The following NDC1 variants were observed in gnomAD, a reference collection of about 807,000 sequenced individuals.
NDC1 encodes the protein NDC1 transmembrane nucleoporin, also known as nucleoporin NDC1.
NDC1 carries 24 observed loss-of-function variants against 89.8 expected under a neutral mutation model. The ratio of observed to expected loss-of-function variants is 0.27; its 90% CI spans 0.19 to 0.38. The LOEUF is 0.38. Ranked by LOEUF, NDC1 falls within the 10% of genes least tolerant of loss-of-function variation. The pLI is 1.00. For synonymous variants in NDC1, 296 were observed against 284.8 expected (o/e 1.04, Z -0.39); for missense variants, 728 against 797.6 (o/e 0.91, Z 1.05).
intron 16 of NDC1, among the ~76,000 whole-genome samples, chr1:53,783,619 C>CA (rs1461620961): frequency 1.3e-5 from 2 of 152,188 alleles, no homozygotes; most frequent in African/African-American, 4.8e-5. Context: ...ATCCCCAATG[C>CA]AGCAGTGTTG....
chr1:53,773,729 C>CCTGACTACAGG (rs71063881), intron 16 of NDC1, among the ~76,000 whole-genome samples: 4,388 of 152,254 alleles, frequency 0.029, 96 homozygotes, highest in Middle Eastern at 0.044. Context: ...CTTCTAGTAT[C>CCTGACTACAGG]CTGACTACAG....
At chr1:53,784,720 G>A (rs1647263774) in intron 16 of NDC1, among the ~76,000 whole-genome samples, 1 of 152,030 alleles carries the variant, frequency 6.6e-6, no homozygotes, top group Admixed American at 6.6e-5. Context: ...GAACCCGGGA[G>A]GCACAGCTTG....
chr1:53,789,072 T>C (rs1002469906), intron 15 of NDC1, 61 bp downstream of exon 15: 3 of 1,111,070 alleles, frequency 2.7e-6, no homozygotes, highest in African/African-American at 3.1e-5. Context: ...CTTTCATGAA[T>C]TATACTTCAA....
intron 16 of NDC1, among the ~76,000 whole-genome samples, chr1:53,774,401 G>C (rs1053739095): frequency 6.6e-6 from 1 of 152,154 alleles, no homozygotes; most frequent in Non-Finnish European, 1.5e-5. Flanking sequence ...ATCAAATCTT[G>C]TTCCATCATA....
rs1649197358 is a variant in NDC1 at position 53,835,441 on chromosome 1, C to CT, written c.178+58_178+59insA. 2.1e-6 allele frequency: 3 copies of CT among 1,455,128 alleles called. No individual in the cohort carries two copies. The African/African-American group carries it at 4.3e-5, about 21-fold the overall frequency. 90.1% of individuals were successfully genotyped at this position (1,455,128 alleles called of 1,614,324 possible). A position where few individuals can be genotyped will look rare whatever the true frequency, so the allele number is the denominator to read the frequency against. On this transcript the variant is annotated intron_variant, in intron 2 of 17. Transcript: ENST00000371429. ...AAAATAAACTGCTTGAAACATAATG[C>CT]AATTTTTATGTTGAGAAGTAGGTCC... is the stretch of plus-strand genomic sequence containing the variant.
intron 16 of NDC1, among the ~76,000 whole-genome samples, chr1:53,777,033 T>A (rs907995258): frequency 2.7e-5 from 4 of 148,754 alleles, no homozygotes; most frequent in African/African-American, 9.8e-5. Context: ...TTTGTTGAAT[T>A]TTTTTTTTTT....
At chr1:53,782,814 C>T (rs1647224937) in intron 16 of NDC1, among the ~76,000 whole-genome samples, 1 of 152,176 alleles carries the variant, frequency 6.6e-6, no homozygotes, top group African/African-American at 2.4e-5. Flanking sequence ...TATCCCAATA[C>T]GATTGTTATA....
chr1:53,773,611 C>T (rs537576868), intron 16 of NDC1, among the ~76,000 whole-genome samples: 162 of 152,288 alleles, frequency 1.1e-3, no homozygotes, highest in African/African-American at 3.8e-3. Flanking sequence ...GGATTACAGA[C>T]GAGCGGCTTC....
Position 53,825,906 on chromosome 1 carries a change from T to C in NDC1, c.486A>G (p.Leu162=). Residue 162 remains leucine, a synonymous_variant, in exon 5 of 18, where the codon TTA becomes TTG. Coordinates refer to ENST00000371429, the MANE Select transcript of NDC1 (RefSeq NM_018087.5). ...SFGSPAAQTC[L]NEYHLFFLLT... is the part of the protein sequence containing the mutation. Reference sequence around the variant, plus strand: ...GTAGGAAAAAAAGATGATATTCATTTAAGCAGGTTTGCGCAGCAGGGCTAC... The same window carrying C: ...GTAGGAAAAAAAGATGATATTCATTCAAGCAGGTTTGCGCAGCAGGGCTAC... The C allele has an allele frequency of 6.2e-7, 1 of 1,611,968 alleles. No homozygotes were observed. The highest frequency in any genetic ancestry group is 1.1e-5 in the South Asian group (1 of 90,294).
chr1:53,788,971 C>G (rs1277247176), intron 15 of NDC1, among the ~76,000 whole-genome samples, 162 bp downstream of exon 15: 1 of 151,430 alleles, frequency 6.6e-6, no homozygotes, highest in Non-Finnish European at 1.5e-5. Flanking sequence ...CAAAATACGC[C>G]TAAATATATT....
chr1:53,800,552 C>G, intron 11 of NDC1, 141 bp downstream of exon 11: 1 of 776,604 alleles, frequency 1.3e-6, no homozygotes, highest in Non-Finnish European at 2.1e-6. Flanking sequence ...GTCTCGATCT[C>G]TTGACCTCAT....
At chr1:53,778,260 T>TACACACACAC (rs202023880) in intron 16 of NDC1, among the ~76,000 whole-genome samples, 2 of 144,784 alleles carry the variant, frequency 1.4e-5, no homozygotes, top group East Asian at 2.1e-4. Context: ...TGTGTGTATA[T>TACACACACAC]ACACACACAC....
rs777960171 is a variant in NDC1 at position 53,806,524 on chromosome 1, A to G, written c.892-7T>C. 36 of 1,458,612 alleles carry G rather than the reference A, an allele frequency of 2.5e-5. No individual in the cohort carries two copies. The highest frequency in any genetic ancestry group is 3.1e-5 in the Non-Finnish European group (34 of 1,103,824). The allele number at this position is 1,458,612 out of a possible 1,614,324, so 90.4% of individuals were successfully genotyped here. A position where few individuals can be genotyped will look rare whatever the true frequency, so the allele number is the denominator to read the frequency against. On this transcript the variant is annotated splice_polypyrimidine_tract_variant and splice_region_variant and intron_variant, in intron 8 of 17. Transcript: ENST00000371429. ...GAACAGGAAACACATGAGCCTATCA[A>G]ATAAATTAAAAACCAAAAATGATTA...
intron 16 of NDC1, among the ~76,000 whole-genome samples, chr1:53,782,983 C>G (rs896560618): frequency 6.6e-6 from 1 of 151,744 alleles, no homozygotes; most frequent in South Asian, 2.1e-4. Context: ...TTTTTCTAAT[C>G]CTAAGCACTT....
At chr1:53,771,920 G>A (rs1289619856) in intron 17 of NDC1, among the ~76,000 whole-genome samples, 1 of 152,174 alleles carries the variant, frequency 6.6e-6, no homozygotes, top group Non-Finnish European at 1.5e-5. Context: ...CAAAGCACCA[G>A]GGATTCATTT....
Position 53,800,750 on chromosome 1 carries a change from T to C in NDC1, c.1165A>G (p.Thr389Ala), listed in dbSNP as rs780332596. Reference sequence around the variant, plus strand: ...TAAGATGAAGACACTCTCCCATTCGTAGCAGCAGCTTCTTGATAGAGAATC... The same window carrying C: ...TAAGATGAAGACACTCTCCCATTCGCAGCAGCAGCTTCTTGATAGAGAATC... The part of the protein sequence containing the change: ...KLILYQEAAA[T>A]NGRVSSSYPV... The change falls in exon 11 of 18, where the codon ACG becomes GCG. Residue 389 changes from threonine (T) to alanine (A), a missense_variant. By Grantham distance (58) the Thr-to-Ala change is moderately conservative (BLOSUM62 0). Coordinates refer to ENST00000371429, the MANE Select transcript of NDC1 (RefSeq NM_018087.5). 1.9e-6 allele frequency: 3 copies of C among 1,614,146 alleles called. No individual in the cohort carries two copies. Among genetic ancestry groups the C allele is most frequent in the Non-Finnish European group, 2.5e-6 (3 of 1,179,982 alleles).
At chr1:53,810,225 T>C (rs932512881) in intron 6 of NDC1, among the ~76,000 whole-genome samples, 6 of 152,136 alleles carry the variant, frequency 3.9e-5, no homozygotes, top group Admixed American at 2.6e-4. Context: ...TTTCCCACAA[T>C]AAATCCAAAT....
Position 53,827,069 on chromosome 1 carries a change from T to C in NDC1, c.455+930A>G, listed in dbSNP as rs549343998. Among the ~76,000 whole-genome samples the C allele has an allele frequency of 3.4e-4, 52 of 152,196 alleles. No homozygotes were observed. The South Asian group carries it at 7.3e-3, about 21-fold the overall frequency. On this transcript the variant is annotated intron_variant, in intron 4 of 17. Transcript: ENST00000371429. Reference sequence around the variant, plus strand: ...TTTCATAGTAGTCCTGTACTCACAGTCTTTTATCATTTAATGTTTACCAAC... The same window carrying C: ...TTTCATAGTAGTCCTGTACTCACAGCCTTTTATCATTTAATGTTTACCAAC...
intron 3 of NDC1, among the ~76,000 whole-genome samples, chr1:53,831,529 C>T (rs1570241024): frequency 6.6e-6 from 1 of 151,828 alleles, no homozygotes; most frequent in South Asian, 2.1e-4. Context: ...AAAAATTAGC[C>T]GGGCGTGGTG....
Sources: gnomAD v4.1 joint callset for allele counts (sites outside exome capture counted in the v4.1 genomes callset) on GRCh38, gnomAD v4.1.1 for gene constraint, MANE v1.5 for transcripts, NCBI Gene and HGNC (gene_info 2026-07-23, HGNC 2026-07-21) for gene names.